PCDHA7: variants seen among roughly 807,000 people sequenced by gnomAD.
PCDHA7 encodes protocadherin alpha 7.
PCDHA7 carries 37 observed loss-of-function variants against 57.2 expected under a neutral mutation model. The ratio of observed to expected loss-of-function variants is 0.65; its 90% CI spans 0.50 to 0.85. The LOEUF (loss-of-function observed/expected upper bound fraction) is 0.85. Ranked by LOEUF, PCDHA7 falls within the 40% of genes least tolerant of loss-of-function variation. PCDHA7 has a pLI of 0.00. For synonymous variants in PCDHA7, 553 were observed against 558.8 expected (o/e 0.99, Z 0.15); for missense variants, 1,188 against 1,241.8 (o/e 0.96, Z 0.65).
chr5:140,942,591 T>C (rs1180688838), intron 1 of PCDHA7, among the ~76,000 whole-genome samples: 1 of 147,516 alleles, frequency 6.8e-6, no homozygotes, highest in East Asian at 2.0e-4. Context: ...ATGTCACATA[T>C]AATTATAGTG....
intron 1 of PCDHA7, among the ~76,000 whole-genome samples, chr5:140,916,423 G>A (rs915446945): frequency 6.6e-6 from 1 of 152,174 alleles, no homozygotes; most frequent in Non-Finnish European, 1.5e-5. Context: ...GCACATCTCA[G>A]AACCTAAGGC....
chr5:140,876,814 G>C (rs571648883), intron 1 of PCDHA7: 4 of 1,614,226 alleles, frequency 2.5e-6, no homozygotes, highest in Non-Finnish European at 2.5e-6. Flanking sequence ...GGTGGCCGAC[G>C]TGAACGACAA....
intron 1 of PCDHA7, among the ~76,000 whole-genome samples, chr5:140,937,615 T>TCAAAAAAAAAAAAAAAAAAAAAAAAA (rs1472779704): frequency 4.0e-5 from 6 of 149,436 alleles, no homozygotes; most frequent in African/African-American, 1.5e-4. Flanking sequence ...ATACTCCATC[T>TCAAAAAAAAAAAAAAAAAAAAAAAAA]AAAAAGAAAA....
chr5:140,881,414 A>G, intron 1 of PCDHA7: 1 of 936,538 alleles, frequency 1.1e-6, no homozygotes, highest in African/African-American at 1.8e-5. Flanking sequence ...TCAATAGGAT[A>G]TTAGTTCCAG....
At chr5:140,911,151 G>A (rs2075350899) in intron 1 of PCDHA7, among the ~76,000 whole-genome samples, 1 of 152,174 alleles carries the variant, frequency 6.6e-6, no homozygotes, top group South Asian at 2.1e-4. Context: ...TTTCTCCTCA[G>A]ACAAATGTGG....
chr5:140,996,918 A>T lies in PCDHA7; in HGVS notation c.2504-12709A>T, dbSNP rs10036183. On this transcript the variant is annotated intron_variant, in intron 3 of 3. Transcript: ENST00000525929. ...GAATTACATTGTTGAAGTAAATATT[A>T]AAAAATATAGCATTTTTGCATAGAA... Among the ~76,000 whole-genome samples, 492 of 152,328 alleles carry T rather than the reference A, an allele frequency of 3.2e-3. 4 individuals are homozygous for T. Among genetic ancestry groups the T allele is most frequent in the African/African-American group, 0.011 (464 of 41,562 alleles).
rs1399480801 is a variant in PCDHA7, at chr5:140,951,947, C to T, written c.2356-27002C>T. On this transcript the variant is annotated intron_variant, in intron 1 of 3. Transcript: ENST00000525929. ...TTACTCCCAAGATACAGTGCGGGTA[C>T]AGGCATTGGGTAAATACTCCTGTTC... is the stretch of plus-strand genomic sequence containing the variant. 5.3e-5 allele frequency among the ~76,000 whole-genome samples: 8 copies of T among 152,250 alleles called. No individual in the cohort carries two copies. In the East Asian group the frequency reaches 1.5e-3, roughly 29 times the overall value.
chr5:140,870,426 C>A (rs574302735), intron 1 of PCDHA7: 1 of 1,614,090 alleles, frequency 6.2e-7, no homozygotes, highest in Non-Finnish European at 8.5e-7. Context: ...CCAGGGTATC[C>A]GTGGAGGTGG....
chr5:140,882,868 G>A (rs1283664390), intron 1 of PCDHA7: 25 of 1,614,184 alleles, frequency 1.5e-5, no homozygotes, highest in Middle Eastern at 1.6e-4. Context: ...GGAAAACACT[G>A]GACAGAGAGG....
intron 1 of PCDHA7, among the ~76,000 whole-genome samples, chr5:140,910,519 G>T (rs187918127): frequency 4.6e-5 from 7 of 152,218 alleles, no homozygotes; most frequent in African/African-American, 4.8e-5. Flanking sequence ...AAGGATGCAG[G>T]TACTCCCCTC....
intron 1 of PCDHA7, among the ~76,000 whole-genome samples, chr5:140,844,056 C>T (rs2150368567): frequency 1.3e-5 from 2 of 149,686 alleles, no homozygotes; most frequent in African/African-American, 4.9e-5. Context: ...TCCCCCAAAG[C>T]GTTTATTCTT....
intron 1 of PCDHA7, among the ~76,000 whole-genome samples, chr5:140,902,107 T>G (rs2069104126): frequency 6.6e-6 from 1 of 152,174 alleles, no homozygotes; most frequent in African/African-American, 2.4e-5. Flanking sequence ...CTTTAGATTT[T>G]TTTAAAACTG....
chr5:140,912,851 A>C lies in PCDHA7; in HGVS notation c.2356-66098A>C, dbSNP rs564747882. ...TTTTATTAAATGCTTTTTCAGCATCAATTGAAATGATATATGGTTTTTGGT... is the reference window on the plus strand; with the variant it reads ...TTTTATTAAATGCTTTTTCAGCATCCATTGAAATGATATATGGTTTTTGGT... On this transcript the variant is annotated intron_variant, in intron 1 of 3. Coordinates refer to ENST00000525929, the MANE Select transcript of PCDHA7 (RefSeq NM_018910.3). Among the ~76,000 whole-genome samples, 3 of 152,328 alleles carry C rather than the reference A, an allele frequency of 2.0e-5. No individual in the cohort carries two copies. The South Asian group carries it at 6.2e-4, about 32-fold the overall frequency.
At chr5:140,996,922 A>T (rs2097752714) in intron 3 of PCDHA7, among the ~76,000 whole-genome samples, 1 of 152,198 alleles carries the variant, frequency 6.6e-6, no homozygotes, top group African/African-American at 2.4e-5. Flanking sequence ...AATATTAAAA[A>T]ATATAGCATT....
At chr5:140,869,227 G>C (rs782048898) in intron 1 of PCDHA7, 1 of 1,613,788 alleles carries the variant, frequency 6.2e-7, no homozygotes, top group South Asian at 1.1e-5. Context: ...GGCCAAACAC[G>C]GCACCTTCGT....
intron 1 of PCDHA7, among the ~76,000 whole-genome samples, chr5:140,916,248 T>C (rs2077492943): frequency 6.6e-6 from 1 of 152,180 alleles, no homozygotes; most frequent in Admixed American, 6.5e-5. Flanking sequence ...AGCCTGGACT[T>C]GGGGACCCCA....
At chr5:140,913,440 T>A (rs2076337142) in intron 1 of PCDHA7, among the ~76,000 whole-genome samples, 1 of 152,224 alleles carries the variant, frequency 6.6e-6, no homozygotes, top group Non-Finnish European at 1.5e-5. Context: ...GCCTCCTTTT[T>A]CAGCTCCGAT....
chr5:140,852,688 T>G, intron 1 of PCDHA7: 1 of 971,908 alleles, frequency 1.0e-6, no homozygotes, highest in Non-Finnish European at 1.2e-6. Flanking sequence ...GAATATAGTC[T>G]TATACTTTCA....
At chr5:140,928,120 G>A (rs368067553) in intron 1 of PCDHA7, 5 of 1,614,062 alleles carry the variant, frequency 3.1e-6, no homozygotes, top group African/African-American at 1.3e-5. Context: ...GCAGATCAGT[G>A]AATACCAAGT....
Sources: allele counts gnomAD v4.1 joint callset (sites outside exome capture counted in the v4.1 genomes callset), GRCh38; gene constraint gnomAD v4.1.1; transcripts MANE v1.5; gene names NCBI Gene and HGNC (gene_info 2026-07-23, HGNC 2026-07-21).